The following ZFP30 variants were observed in gnomAD, a reference collection of about 807,000 sequenced individuals.
ZFP30 encodes zinc finger protein 30 homolog.
Under a neutral mutation model 12.3 loss-of-function variants are expected in ZFP30, and 16 were observed. The observed-to-expected ratio is 1.30, with a 90% CI of 0.88 to 1.98. The LOEUF is 1.98. Among genes scored for constraint, ZFP30 ranks in the 30% most tolerant of loss-of-function variants. ZFP30 has a pLI of 0.00. For missense variants in ZFP30, 560 were observed against 611.2 expected (o/e 0.92, Z 0.88); for synonymous variants, 172 against 201.0 (o/e 0.86, Z 1.22).
chr19:37,640,179 C>T (rs532498810), intron 5 of ZFP30, among the ~76,000 whole-genome samples: 1 of 152,184 alleles, frequency 6.6e-6, no homozygotes, highest in East Asian at 1.9e-4. Flanking sequence ...GATTGCTTCA[C>T]AAGTATCTTT....
Position 37,631,522 on chromosome 19 carries a change from C to T in ZFP30, c.*3459G>A, listed in dbSNP as rs1038473550. ...GGCTTCCCAATTATAACAGCAAATA[C>T]AGTTCATAATGGATGACCACGGTGA... On this transcript the variant is annotated 3_prime_UTR_variant, in exon 6 of 6. Coordinates refer to ENST00000684514, the MANE Select transcript of ZFP30 (RefSeq NM_001320669.3). The T allele has an allele frequency of 2.0e-5, 3 of 152,036 alleles. No homozygotes were observed. Among genetic ancestry groups the T allele is most frequent in the Admixed American group, 6.5e-5 (1 of 15,268 alleles). 9.4% of individuals were successfully genotyped at this position (152,036 alleles called of 1,614,324 possible). A position where few individuals can be genotyped will look rare whatever the true frequency, so the allele number is the denominator to read the frequency against.
intron 5 of ZFP30, among the ~76,000 whole-genome samples, chr19:37,640,399 ATTAT>A (rs1050498160): frequency 1.1e-4 from 17 of 149,350 alleles, no homozygotes; most frequent in African/African-American, 3.9e-4. Flanking sequence ...TAATATTAAC[ATTAT>A]TTAATTATAT....
At chr19:37,650,910 G>C (rs2044636832) in intron 2 of ZFP30, among the ~76,000 whole-genome samples, 1 of 151,814 alleles carries the variant, frequency 6.6e-6, no homozygotes, top group Non-Finnish European at 1.5e-5. Flanking sequence ...GCTAATTTTT[G>C]TGTTTTTTGT....
At chr19:37,645,671 T>C (rs919721175) in intron 3 of ZFP30, among the ~76,000 whole-genome samples, 1 of 151,610 alleles carries the variant, frequency 6.6e-6, no homozygotes, top group Non-Finnish European at 1.5e-5. Context: ...TTAACTGAAA[T>C]AGGTTCATAG....
intron 3 of ZFP30, among the ~76,000 whole-genome samples, chr19:37,647,608 C>T (rs1022023166): frequency 5.3e-5 from 8 of 152,158 alleles, no homozygotes; most frequent in Middle Eastern, 3.4e-3. Flanking sequence ...TTATCAGCAG[C>T]GTGAAAATGG....
intron 3 of ZFP30, 41 bp from the exon 4 acceptor site, chr19:37,644,777 A>C (rs2044508154): frequency 6.3e-7 from 1 of 1,581,970 alleles, no homozygotes; most frequent in Non-Finnish European, 8.6e-7. Flanking sequence ...AGATAAATGA[A>C]AATATTTTGA....
chr19:37,644,486 A>T, intron 4 of ZFP30, 124 bp downstream of exon 4: 1 of 1,069,742 alleles, frequency 9.3e-7, no homozygotes, highest in Non-Finnish European at 1.3e-6. Flanking sequence ...GTAAGCCAAG[A>T]TTGCGCCACT....
At chr19:37,655,982 G>C (rs1035332151), upstream of ZFP30, 1 of 152,540 alleles carries the variant, frequency 6.6e-6, no homozygotes. Context: ...TGGGGATGGA[G>C]TGTTCAAATC....
intron 5 of ZFP30, among the ~76,000 whole-genome samples, chr19:37,637,633 GTGC>G (rs2044356913): frequency 6.6e-6 from 1 of 152,014 alleles, no homozygotes; most frequent in Non-Finnish European, 1.5e-5. Flanking sequence ...GGGATTACAA[GTGC>G]CCGCCACCAC....
chr19:37,637,041 G>A (rs1303880526), intron 5 of ZFP30, among the ~76,000 whole-genome samples: 1 of 151,724 alleles, frequency 6.6e-6, no homozygotes, highest in African/African-American at 2.4e-5. Flanking sequence ...GCTTTTCACT[G>A]GCTATTAAAT....
In ZFP30 at chr19:37,634,974, A is replaced by G. The variant is rs2044289734; in HGVS notation, c.*7T>C. The G allele has an allele frequency of 2.0e-6, 3 of 1,529,694 alleles. No homozygotes were observed. Among genetic ancestry groups the G allele is most frequent in the Non-Finnish European group, 2.6e-6 (3 of 1,142,392 alleles). The allele number at this position is 1,529,694 out of a possible 1,614,324, so 94.8% of individuals were successfully genotyped here. A position where few individuals can be genotyped will look rare whatever the true frequency, so the allele number is the denominator to read the frequency against. On this transcript the variant is annotated 3_prime_UTR_variant, in exon 6 of 6. Coordinates refer to ENST00000684514, the MANE Select transcript of ZFP30 (RefSeq NM_001320669.3). ...TAAAATTCGCAAAGGAAGAGTTCTA[A>G]TAATTATTAAGTTACATTATGAATT... is the stretch of plus-strand genomic sequence containing the variant.
intron 4 of ZFP30, among the ~76,000 whole-genome samples, chr19:37,644,146 G>A (rs149237623): frequency 3.5e-4 from 53 of 152,284 alleles, no homozygotes; most frequent in African/African-American, 1.1e-3. Context: ...CAGAAAAGTC[G>A]AAGAAAAATA....
At chr19:37,648,017 G>C (rs1173197419) in intron 2 of ZFP30, 118 bp from the exon 3 acceptor site, 3 of 602,192 alleles carry the variant, frequency 5.0e-6, no homozygotes. Context: ...ACACAGACAA[G>C]TTTTGATAGG....
intron 2 of ZFP30, among the ~76,000 whole-genome samples, chr19:37,650,737 CCT>C (rs1491314893): frequency 6.8e-6 from 1 of 146,106 alleles, no homozygotes; most frequent in Non-Finnish European, 1.5e-5. Context: ...ATTTTCTTTT[CCT>C]TTTTTTTTTT....
intron 5 of ZFP30, among the ~76,000 whole-genome samples, 194 bp downstream of exon 5, chr19:37,643,052 CAAAAAAAAAAAAAAAAAAA>C (rs2044468502): frequency 1.6e-5 from 1 of 61,440 alleles, no homozygotes; most frequent in Non-Finnish European, 3.1e-5. Context: ...GACTCCGTCT[CAAAAAAAAAAAAAAAAAAA>C]GAAAAAAAAA....
In ZFP30 at chr19:37,633,490, A is replaced by C. The variant is rs1388001536; in HGVS notation, c.*1491T>G. The C allele has an allele frequency of 2.0e-5, 3 of 151,836 alleles. No homozygotes were observed. The highest frequency in any genetic ancestry group is 7.3e-5 in the African/African-American group (3 of 41,332). The allele number at this position is 151,836 out of a possible 1,614,324, so 9.4% of individuals were successfully genotyped here. On this transcript the variant is annotated 3_prime_UTR_variant, in exon 6 of 6. Transcript: ENST00000684514. ...TGTCTCAGCTGCCCGAGTAGCTGGGATTACAGGCGCATGTGACCACGCCTG... is the reference window on the plus strand; with the variant it reads ...TGTCTCAGCTGCCCGAGTAGCTGGGCTTACAGGCGCATGTGACCACGCCTG...
At chr19:37,645,335 G>A (rs1181433404) in intron 3 of ZFP30, among the ~76,000 whole-genome samples, 1 of 152,146 alleles carries the variant, frequency 6.6e-6, no homozygotes, top group African/African-American at 2.4e-5. Flanking sequence ...AAAGATGTGA[G>A]TGTGACTGAA....
At chr19:37,637,203 CT>C (rs1002235029) in intron 5 of ZFP30, among the ~76,000 whole-genome samples, 1,847 of 131,732 alleles carry the variant, frequency 0.014, 17 homozygotes, top group Middle Eastern at 0.051. Flanking sequence ...TTCTTTTTTT[CT>C]TTTTTTTTTT....
chr19:37,653,883 T>A (rs1267772969), intron 2 of ZFP30, among the ~76,000 whole-genome samples: 2 of 152,218 alleles, frequency 1.3e-5, no homozygotes, highest in Non-Finnish European at 2.9e-5. Flanking sequence ...ATGTTACCAA[T>A]CCCTGTTCTG....
Sources: gnomAD v4.1 joint callset for allele counts (sites outside exome capture counted in the v4.1 genomes callset) on GRCh38, gnomAD v4.1.1 for gene constraint, MANE v1.5 for transcripts, NCBI Gene and HGNC (gene_info 2026-07-23, HGNC 2026-07-21) for gene names.